CEACAM6: variants seen among roughly 807,000 people sequenced by gnomAD.
CEACAM6 encodes the protein CEA cell adhesion molecule 6.
Under a neutral mutation model 32.4 loss-of-function variants are expected in CEACAM6, and 21 were observed. The ratio of observed to expected loss-of-function variants is 0.65; its 90% confidence interval spans 0.46 to 0.93. The LOEUF (loss-of-function observed/expected upper bound fraction) is 0.93, where lower values mean the gene tolerates loss of function less well. Among genes scored for constraint, CEACAM6 ranks in the 40% least tolerant of loss-of-function variants. The pLI is 0.00. For synonymous variants in CEACAM6, 184 were observed against 174.4 expected (o/e 1.06, Z -0.43); for missense variants, 406 against 432.2 (o/e 0.94, Z 0.54).
chr19:41,765,803 T>C (rs1164046143), intron 4 of CEACAM6, among the ~76,000 whole-genome samples: 1 of 152,206 alleles, frequency 6.6e-6, no homozygotes, highest in African/African-American at 2.4e-5. Flanking sequence ...TGCACTAGCC[T>C]GGGCCTTCTG....
At chr19:41,755,741 A>C in intron 1 of CEACAM6, 39 bp downstream of exon 1, 1 of 1,560,364 alleles carries the variant, frequency 6.4e-7, no homozygotes, top group South Asian at 1.1e-5. Flanking sequence ...GGGAGGAGGG[A>C]GCACAGAGAC....
chr19:41,761,507 C>G lies in CEACAM6; in HGVS notation c.683C>G (p.Pro228Arg). The G allele has an allele frequency of 6.2e-7, 1 of 1,614,174 alleles. No homozygotes were observed. Among genetic ancestry groups the G allele is most frequent in the Non-Finnish European group, 8.5e-7 (1 of 1,180,008 alleles). Reference sequence around the variant, plus strand: ...CCAGCGAGTGCCAACCGCAGTGACCCAGTCACCCTGAATGTCCTCTGTGAG... The same window carrying G: ...CCAGCGAGTGCCAACCGCAGTGACCGAGTCACCCTGAATGTCCTCTGTGAG... ...QNPASANRSD[P>R]VTLNVLYGPD... Residue 228 changes from proline to arginine, a missense_variant, in exon 3 of 6, where the codon CCA (proline) becomes CGA (arginine). Transcript: ENST00000199764.
intron 5 of CEACAM6, among the ~76,000 whole-genome samples, chr19:41,768,508 C>A (rs1254823848): frequency 6.6e-6 from 1 of 152,266 alleles, no homozygotes; most frequent in African/African-American, 2.4e-5. Flanking sequence ...TCTTTCTACA[C>A]AGACACGGCA....
At chr19:41,768,741 C>A (rs2072972885) in intron 5 of CEACAM6, among the ~76,000 whole-genome samples, 1 of 148,398 alleles carries the variant, frequency 6.7e-6, no homozygotes. Context: ...GACCCCCCCA[C>A]CTCCCTCCCG....
rs576845597 is a variant in CEACAM6, at chr19:41,756,697, C to T, written c.162C>T (p.Leu54=). The T allele has an allele frequency of 1.2e-5, 19 of 1,614,136 alleles. No individual in the cohort carries two copies. The highest frequency in any genetic ancestry group is 3.3e-5 in the South Asian group (3 of 91,076). The change falls in exon 2 of 6, where the codon CTC becomes CTT. Residue 54 remains leucine (L), a synonymous_variant. Coordinates refer to ENST00000199764, the MANE Select transcript of CEACAM6 (RefSeq NM_002483.7). ...CAGAGGGGAAGGAGGTTCTTCTACTCGCCCACAACCTGCCCCAGAATCGTA... is the reference window on the plus strand; with the variant it reads ...CAGAGGGGAAGGAGGTTCTTCTACTTGCCCACAACCTGCCCCAGAATCGTA... ...NVAEGKEVLL[L]AHNLPQNRIG...
At chr19:41,767,369 A>G (rs1372676012) in intron 5 of CEACAM6, among the ~76,000 whole-genome samples, 3 of 152,262 alleles carry the variant, frequency 2.0e-5, no homozygotes, top group African/African-American at 7.2e-5. Context: ...TTTTCCTGAC[A>G]ATCAATTCAT....
At chr19:41,758,584 C>T (rs141511086) in intron 2 of CEACAM6, among the ~76,000 whole-genome samples, 2 of 152,226 alleles carry the variant, frequency 1.3e-5, no homozygotes, top group African/African-American at 4.8e-5. Context: ...TGGTCTGGGG[C>T]AGCCAAGAGG....
rs199645150 is a variant in CEACAM6 at position 41,761,965 on chromosome 19, C to T, written c.704-4C>T. Reference sequence around the variant, plus strand: ...CACCTGTGGCTTTATTCTGTTTCCTCCAGATGGCCCAGATGTCCCCACCAT... The same window carrying T: ...CACCTGTGGCTTTATTCTGTTTCCTTCAGATGGCCCAGATGTCCCCACCAT... On this transcript the variant is annotated splice_region_variant and splice_polypyrimidine_tract_variant and intron_variant, in intron 3 of 5. Coordinates refer to ENST00000199764, the MANE Select transcript of CEACAM6 (RefSeq NM_002483.7). 1.9e-5 allele frequency: 30 copies of T among 1,613,700 alleles called. No individual in the cohort carries two copies. In the African/African-American group the frequency reaches 3.7e-4, roughly 20 times the overall value.
intron 1 of CEACAM6, among the ~76,000 whole-genome samples, chr19:41,756,177 A>AAC (rs1249216059): frequency 6.6e-6 from 1 of 152,180 alleles, no homozygotes; most frequent in African/African-American, 2.4e-5. Flanking sequence ...TGAAGAGGAA[A>AAC]ACACACACAC....
intron 4 of CEACAM6, among the ~76,000 whole-genome samples, chr19:41,764,940 A>G (rs1190781299): frequency 6.6e-6 from 1 of 152,236 alleles, no homozygotes. Flanking sequence ...AATAATTCTC[A>G]TCACTAAGAA....
chr19:41,766,841 G>A (rs578114122), intron 5 of CEACAM6, among the ~76,000 whole-genome samples: 2 of 151,914 alleles, frequency 1.3e-5, no homozygotes, highest in East Asian at 3.9e-4. Context: ...CCCGTCTCTA[G>A]TAAAAATACA....
intron 2 of CEACAM6, among the ~76,000 whole-genome samples, chr19:41,759,881 A>C (rs2072912318): frequency 6.6e-6 from 1 of 152,180 alleles, no homozygotes; most frequent in Non-Finnish European, 1.5e-5. Flanking sequence ...AAAATCTGAA[A>C]TGCTCCCAAA....
intron 1 of CEACAM6, among the ~76,000 whole-genome samples, chr19:41,755,923 C>A (rs2072882156): frequency 6.6e-6 from 1 of 152,094 alleles, no homozygotes; most frequent in African/African-American, 2.4e-5. Flanking sequence ...CCAAGTTAAT[C>A]ATCATTTGTC....
At chr19:41,759,783 C>A (rs2072911802) in intron 2 of CEACAM6, among the ~76,000 whole-genome samples, 1 of 152,114 alleles carries the variant, frequency 6.6e-6, no homozygotes, top group Admixed American at 6.5e-5. Flanking sequence ...TTACTATATT[C>A]AGAACATAAC....
chr19:41,761,475 A>G lies in CEACAM6; in HGVS notation c.651A>G (p.Ile217Met). Residue 217 changes from isoleucine (I) to methionine (M), a missense_variant, in exon 3 of 6, where the codon ATA (isoleucine) becomes ATG (methionine). Coordinates refer to ENST00000199764, the MANE Select transcript of CEACAM6 (RefSeq NM_002483.7). ...ATGCAGGATCCTATGAATGTGAAATACAGAACCCAGCGAGTGCCAACCGCA... is the reference window on the plus strand; with the variant it reads ...ATGCAGGATCCTATGAATGTGAAATGCAGAACCCAGCGAGTGCCAACCGCA... ...RNDAGSYECE[I>M]QNPASANRSD... 6.2e-7 allele frequency: 1 copy of G among 1,614,188 alleles called. No homozygotes were observed. Among genetic ancestry groups the G allele is most frequent in the Non-Finnish European group, 8.5e-7 (1 of 1,180,028 alleles).
rs554745235 is a variant in CEACAM6 at position 41,756,213 on chromosome 19, G to A, written c.65-387G>A. On this transcript the variant is annotated intron_variant, in intron 1 of 5. Coordinates refer to ENST00000199764, the MANE Select transcript of CEACAM6 (RefSeq NM_002483.7). ...AAAGAGATATAGAATGTGAGGTCAG[G>A]TGTTGACAAGAGCCCTGGAAGGAAC... 3.3e-5 allele frequency among the ~76,000 whole-genome samples: 5 copies of A among 152,234 alleles called. No individual in the cohort carries two copies. In the East Asian group the frequency reaches 9.6e-4, roughly 29 times the overall value.
rs376779394 is a variant in CEACAM6 at position 41,756,134 on chromosome 19, C to T, written c.64+432C>T. 5.3e-5 allele frequency among the ~76,000 whole-genome samples: 8 copies of T among 152,258 alleles called. 1 individual carries two copies. The highest frequency in any genetic ancestry group is 1.9e-4 in the African/African-American group (8 of 41,534). On this transcript the variant is annotated intron_variant, in intron 1 of 5. Coordinates refer to ENST00000199764, the MANE Select transcript of CEACAM6 (RefSeq NM_002483.7). ...TCAATGGCATACAACAAGCATCAGA[C>T]AAGTCTCAGTCATCACAGAGCTTAT...
chr19:41,766,094 G>A, intron 4 of CEACAM6, 89 bp from the exon 5 acceptor site: 2 of 871,716 alleles, frequency 2.3e-6, no homozygotes, highest in Admixed American at 2.7e-5. Flanking sequence ...GAAGGAACAA[G>A]TCAAGCCTAC....
intron 5 of CEACAM6, among the ~76,000 whole-genome samples, chr19:41,769,137 G>A (rs139155363): frequency 6.6e-6 from 1 of 152,104 alleles, no homozygotes; most frequent in Admixed American, 6.5e-5. Flanking sequence ...TAGAGACGGG[G>A]TTTCTCCATG....
Sources: gnomAD v4.1 joint callset for allele counts (sites outside exome capture counted in the v4.1 genomes callset) on GRCh38, gnomAD v4.1.1 for gene constraint, MANE v1.5 for transcripts, NCBI Gene and HGNC (gene_info 2026-07-23, HGNC 2026-07-21) for gene names.